Variants in DUS2 observed in about 807,000 individuals in gnomAD.
The protein encoded by DUS2 is tRNA-dihydrouridine(20) synthase [NAD(P)+]-like.
Under a neutral mutation model 71.3 loss-of-function variants are expected in DUS2, and 52 were observed. The ratio of observed to expected loss-of-function variants is 0.73; its 90% CI spans 0.58 to 0.92. DUS2 has a LOEUF of 0.92. Ranked by LOEUF, DUS2 falls within the 40% of genes least tolerant of loss-of-function variation. The pLI is 0.00. For synonymous variants in DUS2, 204 were observed against 227.8 expected (o/e 0.90, Z 0.94); for missense variants, 558 against 622.6 (o/e 0.90, Z 1.10).
intron 7 of DUS2, among the ~76,000 whole-genome samples, chr16:68,059,022 G>T (rs545990258): frequency 6.6e-6 from 1 of 152,210 alleles, no homozygotes; most frequent in South Asian, 2.1e-4. Context: ...GACCAGTCTG[G>T]CCAAAAGAAT....
chr16:68,049,511 A>G lies in DUS2; in HGVS notation c.133A>G (p.Ile45Val), dbSNP rs760460307. 2 of 1,614,194 alleles carry G rather than the reference A, an allele frequency of 1.2e-6. No individual in the cohort carries two copies. The highest frequency in any genetic ancestry group is 8.5e-7 in the Non-Finnish European group (1 of 1,180,014). ...TCCTCTGATTCCTCTGCAGGAGCTG[A>G]TCGACCTCAAGATGATTCAGTGCAA... ...GADIVYCEELIDLKMIQCKRV... is the reference protein window; with the variant it reads ...GADIVYCEELVDLKMIQCKRV... Residue 45 changes from isoleucine to valine, a missense_variant, in exon 4 of 17, where the codon ATC becomes GTC. Transcript: ENST00000565263.
chr16:68,061,176 A>G (rs777081000), intron 8 of DUS2, 63 bp downstream of exon 8: 4 of 1,530,016 alleles, frequency 2.6e-6, no homozygotes, highest in Non-Finnish European at 3.6e-6. Flanking sequence ...AATTGTCTAG[A>G]ACGCCTCCTT....
intron 2 of DUS2, among the ~76,000 whole-genome samples, chr16:68,032,952 G>GGCCGAGA (rs2033462813): frequency 6.6e-6 from 1 of 151,118 alleles, no homozygotes; most frequent in Non-Finnish European, 1.5e-5. Flanking sequence ...GGGTGGCCAG[G>GGCCGAGA]GCCGAGAGGG....
chr16:68,057,699 G>A (rs777774688), intron 7 of DUS2, among the ~76,000 whole-genome samples: 1 of 151,942 alleles, frequency 6.6e-6, no homozygotes, highest in Non-Finnish European at 1.5e-5. Flanking sequence ...AACCAACATG[G>A]TGAAACCTTG....
At position 68,078,814 on chromosome 16, in the gene DUS2, C is replaced by T; in HGVS notation, c.1310C>T (p.Pro437Leu). 6.2e-7 allele frequency: 1 copy of T among 1,613,316 alleles called. No individual in the cohort carries two copies. Among genetic ancestry groups the T allele is most frequent in the Non-Finnish European group, 8.5e-7 (1 of 1,179,668 alleles). ...AIVCLRSQGL[P>L]EGRLGEESPS... ...GTCTGTCTGCGGAGCCAGGGCCTCC[C>T]TGAGGGTCGGCTGGGTGAGGAGAGC... The change falls in exon 17 of 17, where the codon CCT becomes CTT. Residue 437 changes from proline (P) to leucine (L), a missense_variant. By Grantham distance (98) the Pro-to-Leu change is moderately conservative. Transcript: ENST00000565263.
chr16:68,076,767 A>G (rs1383790743), intron 15 of DUS2, 48 bp downstream of exon 15: 2 of 1,511,810 alleles, frequency 1.3e-6, no homozygotes, highest in African/African-American at 2.7e-5. Flanking sequence ...CAGCACTCCC[A>G]TGGCTTACAC....
Position 68,079,050 on chromosome 16 carries a change from G to GC in DUS2, c.*65dup. The GC allele has an allele frequency of 1.5e-6, 2 of 1,370,800 alleles. No individual in the cohort carries two copies. The highest frequency in any genetic ancestry group is 2.0e-6 in the Non-Finnish European group (2 of 1,008,336). The allele number at this position is 1,370,800 out of a possible 1,614,324, so 84.9% of individuals were successfully genotyped here. On this transcript the variant is annotated 3_prime_UTR_variant, in exon 17 of 17. Coordinates refer to ENST00000565263, the MANE Select transcript of DUS2 (RefSeq NM_017803.5). ...TGCTAAGGTGGCTGTGGATGCCACA[G>GC]CATGAACCAGATGCCGTTGAACAGT...
chr16:68,039,277 C>A (rs2033584135), intron 3 of DUS2, among the ~76,000 whole-genome samples: 1 of 151,936 alleles, frequency 6.6e-6, no homozygotes, highest in African/African-American at 2.4e-5. Flanking sequence ...GCAGAGAAAT[C>A]CAGCTGCAAA....
In DUS2 at chr16:68,034,319, C is replaced by T. The variant is rs141011399; in HGVS notation, c.-18-3687C>T. ...GCTGATCTCCCATCTCCAACTCAAG[C>T]GATCTCCCCACCATGGCCTCCTTAG... On this transcript the variant is annotated intron_variant, in intron 2 of 16. Transcript: ENST00000565263. Among the ~76,000 whole-genome samples, 463 of 151,210 alleles carry T rather than the reference C, an allele frequency of 3.1e-3. 4 individuals carry two copies. Among genetic ancestry groups the T allele is most frequent in the African/African-American group, 0.011 (431 of 40,576 alleles).
At chr16:68,074,290 C>T (rs2034128230) in intron 13 of DUS2, 135 bp downstream of exon 13, 2 of 1,179,798 alleles carry the variant, frequency 1.7e-6, no homozygotes, top group Admixed American at 2.3e-5. Flanking sequence ...AGTGATGGTA[C>T]AGCTTTGCCT....
chr16:68,040,911 T>C (rs2033617360), intron 3 of DUS2, among the ~76,000 whole-genome samples: 1 of 152,042 alleles, frequency 6.6e-6, no homozygotes, highest in Non-Finnish European at 1.5e-5. Flanking sequence ...CTCGTGCATA[T>C]CAAGCATGTA....
intron 12 of DUS2, 152 bp from the exon 13 acceptor site, chr16:68,073,882 C>T: frequency 1.1e-6 from 1 of 890,630 alleles, no homozygotes; most frequent in Non-Finnish European, 1.7e-6. Context: ...AGCCACTGCT[C>T]CTGGCCAGTG....
chr16:68,032,380 A>G (rs924380400), intron 2 of DUS2, among the ~76,000 whole-genome samples: 4 of 152,180 alleles, frequency 2.6e-5, no homozygotes, highest in African/African-American at 7.2e-5. Context: ...GTTCTTGTAG[A>G]GCTTGTTGTC....
At chr16:68,060,086 G>A (rs1190464110) in intron 7 of DUS2, among the ~76,000 whole-genome samples, 1 of 152,150 alleles carries the variant, frequency 6.6e-6, no homozygotes, top group Admixed American at 6.5e-5. Context: ...TGCTGGTGGT[G>A]TTGATGCCTA....
chr16:68,063,307 T>C (rs925728212), intron 8 of DUS2, among the ~76,000 whole-genome samples: 2 of 152,198 alleles, frequency 1.3e-5, no homozygotes, highest in African/African-American at 2.4e-5. Flanking sequence ...CCAGACTGTG[T>C]TGGCAAGCTG....
intron 8 of DUS2, among the ~76,000 whole-genome samples, chr16:68,062,097 G>A (rs561005157): frequency 2.9e-4 from 44 of 152,032 alleles, no homozygotes; most frequent in Non-Finnish European, 5.1e-4. Context: ...TGCAACCTCT[G>A]CCTCCAGGTT....
At position 68,074,019 on chromosome 16, in the gene DUS2, C is replaced by G. The variant is rs2034122661; in HGVS notation, c.811-15C>G. 6.2e-7 allele frequency: 1 copy of G among 1,613,712 alleles called. No individual in the cohort carries two copies. The highest frequency in any genetic ancestry group is 1.7e-5 in the Admixed American group (1 of 59,996). On this transcript the variant is annotated splice_polypyrimidine_tract_variant and intron_variant, in intron 12 of 16. Transcript: ENST00000565263. Reference sequence around the variant, plus strand: ...GAGCCTGCCTGGGCATCAGGCAAGTCATTTCTTTTCTCAGGCGGTGCAGTA... The same window carrying G: ...GAGCCTGCCTGGGCATCAGGCAAGTGATTTCTTTTCTCAGGCGGTGCAGTA...
At chr16:68,031,447 G>A (rs555423401) in intron 2 of DUS2, among the ~76,000 whole-genome samples, 2 of 152,296 alleles carry the variant, frequency 1.3e-5, no homozygotes, top group South Asian at 2.1e-4. Context: ...ACAGGCATGA[G>A]CCACTGTGTC....
Position 68,078,627 on chromosome 16 carries a change from G to A in DUS2, c.1244+109G>A, listed in dbSNP as rs370511972. 21 of 1,484,856 alleles carry A rather than the reference G, an allele frequency of 1.4e-5. No homozygotes were observed. The East Asian group carries it at 2.0e-4, about 14-fold the overall frequency. 92.0% of individuals were successfully genotyped at this position (1,484,856 alleles called of 1,614,324 possible). ...AGGGTTGGGTAGATGGTATATGTGG[G>A]CAGTGGCATCCCTGGATGGTGACCC... On this transcript the variant is annotated intron_variant, in intron 16 of 16. Coordinates refer to ENST00000565263, the MANE Select transcript of DUS2 (RefSeq NM_017803.5).
Sources: allele counts gnomAD v4.1 joint callset (sites outside exome capture counted in the v4.1 genomes callset), GRCh38; gene constraint gnomAD v4.1.1; transcripts MANE v1.5; gene names NCBI Gene and HGNC (gene_info 2026-07-23, HGNC 2026-07-21).